The following HSPA12A variants were observed in gnomAD, a reference collection of about 807,000 sequenced individuals.
The protein encoded by HSPA12A is heat shock protein family A (Hsp70) member 12A.
In HSPA12A, 28 loss-of-function variants were observed where a neutral mutation model predicts 69.2. The ratio of observed to expected loss-of-function variants is 0.40; its 90% confidence interval spans 0.30 to 0.55. The LOEUF (loss-of-function observed/expected upper bound fraction) is 0.55, where lower values mean the gene tolerates loss of function less well. Among genes scored for constraint, HSPA12A ranks in the 20% least tolerant of loss-of-function variants. The pLI, the probability that HSPA12A is intolerant of heterozygous loss-of-function variation, is 0.38. For missense variants in HSPA12A, 686 were observed against 900.7 expected, an observed-to-expected ratio of 0.76 and a Z score of 3.05; for synonymous variants, 345 against 370.5, an observed-to-expected ratio of 0.93 and a Z score of 0.79.
intron 2 of HSPA12A, among the ~76,000 whole-genome samples, chr10:116,706,537 C>A (rs1554882471): frequency 1.3e-5 from 2 of 152,176 alleles, no homozygotes; most frequent in African/African-American, 4.8e-5. Flanking sequence ...CTCCCTGGGT[C>A]TTCTTTGTGC....
At chr10:116,745,884 C>T (rs1851636762), upstream of HSPA12A, among the ~76,000 whole-genome samples, 1 of 152,098 alleles carries the variant, frequency 6.6e-6, no homozygotes, top group Non-Finnish European at 1.5e-5. Context: ...TACAGATGAC[C>T]AAACTGAGAT....
chr10:116,788,615 GC>G (rs775416416), intron 2 of HSPA12A, among the ~76,000 whole-genome samples: 8 of 151,936 alleles, frequency 5.3e-5, no homozygotes, highest in Non-Finnish European at 1.2e-4. Context: ...AGAGATACAT[GC>G]AAATGGATAG....
At chr10:116,843,630 T>G (rs1042044257) in intron 1 of HSPA12A, among the ~76,000 whole-genome samples, 1 of 152,220 alleles carries the variant, frequency 6.6e-6, no homozygotes, top group African/African-American at 2.4e-5. Flanking sequence ...TAGGCCTTGT[T>G]GGCTTCATCC....
intron 2 of HSPA12A, among the ~76,000 whole-genome samples, chr10:116,775,522 G>A (rs578188979): frequency 6.6e-6 from 1 of 152,280 alleles, no homozygotes; most frequent in South Asian, 2.1e-4. Flanking sequence ...TTCCTGGTCA[G>A]TTCTGTCTGT....
chr10:116,799,047 C>A (rs1489958703), intron 2 of HSPA12A, among the ~76,000 whole-genome samples: 9 of 152,140 alleles, frequency 5.9e-5, no homozygotes, highest in African/African-American at 1.7e-4. Flanking sequence ...GGCCCCCTGC[C>A]ACCCTTGGGG....
chr10:116,716,215 G>T (rs534301277), intron 1 of HSPA12A, among the ~76,000 whole-genome samples: 182 of 152,244 alleles, frequency 1.2e-3, no homozygotes, highest in African/African-American at 4.3e-3. Context: ...AGTAGGGTAT[G>T]CCCCTGCAGA....
At chr10:116,707,153 G>GCGCACA (rs782367871) in intron 2 of HSPA12A, 47 bp downstream of exon 2, 202 of 583,356 alleles carry the variant, frequency 3.5e-4, no homozygotes, top group Middle Eastern at 2.3e-3. Context: ...ACCCATGCGC[G>GCGCACA]CACACACACA....
Position 116,673,909 on chromosome 10 carries a change from G to T in HSPA12A, c.*872C>A, listed in dbSNP as rs1849154431. The T allele has an allele frequency of 6.6e-6, 1 of 152,128 alleles. No homozygotes were observed. The highest frequency in any genetic ancestry group is 1.5e-5 in the Non-Finnish European group (1 of 68,026). The allele number at this position is 152,128 out of a possible 1,614,324, so 9.4% of individuals were successfully genotyped here. A position where few individuals can be genotyped will look rare whatever the true frequency, so the allele number is the denominator to read the frequency against. ...GGGCTCTTCTGGATGTCTGGTCTTG[G>T]TGATGCAAACAAGACCAATGGCAAC... On this transcript the variant is annotated 3_prime_UTR_variant, in exon 12 of 12. Coordinates refer to ENST00000369209, the MANE Select transcript of HSPA12A (RefSeq NM_025015.3).
At chr10:116,698,874 G>C in intron 4 of HSPA12A, 135 bp from the exon 5 acceptor site, 1 of 671,410 alleles carries the variant, frequency 1.5e-6, no homozygotes, top group East Asian at 2.6e-5. Context: ...TAAAGAGGCA[G>C]ACTAGGATGG....
chr10:116,730,038 C>T (rs962299305), intron 1 of HSPA12A, among the ~76,000 whole-genome samples: 3 of 152,160 alleles, frequency 2.0e-5, no homozygotes, highest in African/African-American at 7.2e-5. Flanking sequence ...CAAAAATTAG[C>T]TGGGCATGAT....
chr10:116,726,027 G>GCGCGCACACACACACACA (rs140160132), intron 1 of HSPA12A, among the ~76,000 whole-genome samples: 2 of 146,114 alleles, frequency 1.4e-5, no homozygotes, highest in South Asian at 2.2e-4. Flanking sequence ...ACACACACAC[G>GCGCGCACACACACACACA]CACACACACA....
intron 2 of HSPA12A, among the ~76,000 whole-genome samples, chr10:116,821,567 A>G (rs1295441586): frequency 6.6e-6 from 1 of 152,242 alleles, no homozygotes; most frequent in Non-Finnish European, 1.5e-5. Context: ...ACATACACAC[A>G]TACATACATT....
At chr10:116,737,432 G>A (rs1300491891) in intron 1 of HSPA12A, among the ~76,000 whole-genome samples, 1 of 152,164 alleles carries the variant, frequency 6.6e-6, no homozygotes, top group African/African-American at 2.4e-5. Flanking sequence ...ACAAGCATCT[G>A]AGACCAAAGC....
intron 1 of HSPA12A, among the ~76,000 whole-genome samples, chr10:116,741,161 C>T (rs2133067651): frequency 6.6e-6 from 1 of 152,100 alleles, no homozygotes; most frequent in South Asian, 2.1e-4. Flanking sequence ...ACCCGCCACC[C>T]TGCACTCCCC....
At chr10:116,697,863 A>C (rs1849960679) in intron 5 of HSPA12A, among the ~76,000 whole-genome samples, 1 of 152,094 alleles carries the variant, frequency 6.6e-6, no homozygotes, top group Non-Finnish European at 1.5e-5. Flanking sequence ...GCGCAGAAAA[A>C]GTCTCTGCTT....
At chr10:116,760,167 C>T (rs142817997) in intron 2 of HSPA12A, among the ~76,000 whole-genome samples, 1 of 152,320 alleles carries the variant, frequency 6.6e-6, no homozygotes, top group Non-Finnish European at 1.5e-5. Flanking sequence ...AGCCCAGGAA[C>T]CTGTCCTCTT....
intron 2 of HSPA12A, among the ~76,000 whole-genome samples, chr10:116,809,643 G>A (rs993573056): frequency 5.9e-5 from 9 of 152,182 alleles, no homozygotes; most frequent in Non-Finnish European, 1.0e-4. Context: ...GTCTGCGGGG[G>A]AAACCCACTC....
At chr10:116,730,554 C>A (rs1851118319) in intron 1 of HSPA12A, among the ~76,000 whole-genome samples, 1 of 152,236 alleles carries the variant, frequency 6.6e-6, no homozygotes, top group Non-Finnish European at 1.5e-5. Context: ...GCACCACGAT[C>A]TGAACCAAGT....
chr10:116,797,216 G>A (rs1844847579), intron 2 of HSPA12A, among the ~76,000 whole-genome samples: 1 of 152,154 alleles, frequency 6.6e-6, no homozygotes, highest in Admixed American at 6.5e-5. Flanking sequence ...ATAGATATGG[G>A]ACATATCTGT....
Sources: gnomAD v4.1 joint callset for allele counts (sites outside exome capture counted in the v4.1 genomes callset) on GRCh38, gnomAD v4.1.1 for gene constraint, MANE v1.5 for transcripts, NCBI Gene and HGNC (gene_info 2026-07-23, HGNC 2026-07-21) for gene names.